The following FRMD4A variants were observed in gnomAD, a reference collection of about 807,000 sequenced individuals.
The protein encoded by FRMD4A is FERM domain-containing protein 4A.
Under a neutral mutation model 129.1 loss-of-function variants are expected in FRMD4A, and 29 were observed. The ratio of observed to expected loss-of-function variants is 0.22; its 90% CI spans 0.17 to 0.31. The LOEUF (loss-of-function observed/expected upper bound fraction) is 0.31. Ranked by LOEUF, FRMD4A falls within the 10% of genes least tolerant of loss-of-function variation. The pLI is 1.00. For synonymous variants in FRMD4A, 634 were observed against 571.6 expected (o/e 1.11, Z -1.56); for missense variants, 1,272 against 1,375.8 (o/e 0.92, Z 1.19).
chr10:14,076,008 C>T (rs1835577284), intron 2 of FRMD4A, among the ~76,000 whole-genome samples: 1 of 152,170 alleles, frequency 6.6e-6, no homozygotes, highest in Non-Finnish European at 1.5e-5. Context: ...GAGGATGGAA[C>T]ATTGACCAGA....
At position 13,693,779 on chromosome 10, in the gene FRMD4A, C is replaced by T. The variant is rs1318805554; in HGVS notation, c.1117+119G>A. 7 of 1,100,478 alleles carry T rather than the reference C, an allele frequency of 6.4e-6. No homozygotes were observed. The Admixed American group carries it at 1.2e-4, about 18-fold the overall frequency. 68.2% of individuals were successfully genotyped at this position (1,100,478 alleles called of 1,614,324 possible). On this transcript the variant is annotated intron_variant, in intron 15 of 24. Transcript: ENST00000357447. ...CCCAACCTTGGTCTGGAAAGCAAAG[C>T]CAGCTTTGGAGCAGCTTGCCCTGCA...
intron 2 of FRMD4A, among the ~76,000 whole-genome samples, chr10:14,039,707 A>T (rs963244179): frequency 6.6e-6 from 1 of 151,996 alleles, no homozygotes; most frequent in Non-Finnish European, 1.5e-5. Flanking sequence ...TCTCTTATCT[A>T]CCTATGACCT....
chr10:13,872,630 C>T (rs1431568719), intron 2 of FRMD4A, among the ~76,000 whole-genome samples: 1 of 152,256 alleles, frequency 6.6e-6, no homozygotes, highest in African/African-American at 2.4e-5. Context: ...AGAAACAGAA[C>T]ATGCAAGAAG....
At position 13,929,768 on chromosome 10, in the gene FRMD4A, T is replaced by C. The variant is rs113593433; in HGVS notation, c.46-70856A>G. Among the ~76,000 whole-genome samples, 965 of 152,240 alleles carry C rather than the reference T, an allele frequency of 6.3e-3. 8 individuals carry two copies. Among genetic ancestry groups the C allele is most frequent in the African/African-American group, 0.022 (919 of 41,568 alleles). On this transcript the variant is annotated intron_variant, in intron 2 of 24. Coordinates refer to ENST00000357447, the MANE Select transcript of FRMD4A (RefSeq NM_018027.5). ...TGGCAGTAGGCTGTAGTGGTAGAGA[T>C]GGGATCTGCGGTCAGAGTCTGTTGT...
At chr10:14,059,648 C>G (rs1834711770) in intron 2 of FRMD4A, among the ~76,000 whole-genome samples, 1 of 152,206 alleles carries the variant, frequency 6.6e-6, no homozygotes, top group Admixed American at 6.5e-5. Context: ...TTAGGCCACC[C>G]AGTCTGCTTT....
At chr10:13,981,266 G>A (rs1225401759) in intron 2 of FRMD4A, among the ~76,000 whole-genome samples, 1 of 152,178 alleles carries the variant, frequency 6.6e-6, no homozygotes. Flanking sequence ...CAGCACAGTG[G>A]CACAGGCAAC....
chr10:13,740,294 G>T, intron 10 of FRMD4A, 43 bp from the exon 11 acceptor site: 3 of 1,353,004 alleles, frequency 2.2e-6, no homozygotes, highest in Non-Finnish European at 3.2e-6. Context: ...CACACAATGC[G>T]CAAAAGGCTA....
rs866507033 is a variant in FRMD4A at position 13,684,452 on chromosome 10, A to T, written c.1118-9408T>A. ...GGGTTTCCCAGCTTCCAGCCGGGGA[A>T]CTCCAGACTCCAGCCGGGGACAGCT... On this transcript the variant is annotated intron_variant, in intron 15 of 24. Transcript: ENST00000357447. 22 of 985,056 alleles carry T rather than the reference A, an allele frequency of 2.2e-5. No individual in the cohort carries two copies. In the East Asian group the frequency reaches 1.4e-3, roughly 61 times the overall value. The allele number at this position is 985,056 out of a possible 1,614,324, so 61.0% of individuals were successfully genotyped here.
chr10:14,173,922 G>A (rs1841601723), intron 2 of FRMD4A, among the ~76,000 whole-genome samples: 1 of 151,854 alleles, frequency 6.6e-6, no homozygotes, highest in African/African-American at 2.4e-5. Context: ...TCTGAAATGA[G>A]ACAAAAGCTC....
chr10:14,225,598 C>A (rs1843407680), intron 2 of FRMD4A, among the ~76,000 whole-genome samples: 1 of 152,216 alleles, frequency 6.6e-6, no homozygotes, highest in Admixed American at 6.5e-5. Context: ...GAGGGATGTA[C>A]AGTCTGCTTG....
intron 2 of FRMD4A, among the ~76,000 whole-genome samples, chr10:13,989,670 G>A (rs567495721): frequency 1.3e-5 from 2 of 152,312 alleles, no homozygotes; most frequent in African/African-American, 4.8e-5. Flanking sequence ...GTACAGCTCA[G>A]TTGTTCCAGA....
intron 2 of FRMD4A, among the ~76,000 whole-genome samples, chr10:14,088,495 C>A (rs1588948687): frequency 6.6e-6 from 1 of 151,020 alleles, no homozygotes; most frequent in South Asian, 2.1e-4. Context: ...CACAGTGGCT[C>A]AAGCCTGTAA....
At chr10:13,950,615 C>G (rs889826697) in intron 2 of FRMD4A, among the ~76,000 whole-genome samples, 6 of 152,108 alleles carry the variant, frequency 3.9e-5, no homozygotes, top group African/African-American at 1.4e-4. Flanking sequence ...GCCTTTCCAG[C>G]CTCTCTCTCT....
At chr10:13,675,091 C>T (rs2083862018) in intron 15 of FRMD4A, 47 bp from the exon 16 acceptor site, 2 of 1,556,634 alleles carry the variant, frequency 1.3e-6, no homozygotes, top group African/African-American at 1.3e-5. Context: ...AGGGGACACA[C>T]ATCTGGACCA....
chr10:13,896,575 G>A (rs1352151760), intron 2 of FRMD4A, among the ~76,000 whole-genome samples: 1 of 151,944 alleles, frequency 6.6e-6, no homozygotes, highest in Non-Finnish European at 1.5e-5. Flanking sequence ...TGCATGTGGG[G>A]CTTAAAACCT....
At chr10:13,782,660 T>G (rs1213832618) in intron 6 of FRMD4A, among the ~76,000 whole-genome samples, 1 of 152,138 alleles carries the variant, frequency 6.6e-6, no homozygotes, top group African/African-American at 2.4e-5. Flanking sequence ...GCCAGGATAA[T>G]CTCAATCTCT....
At chr10:13,882,408 A>C (rs2094557707) in intron 2 of FRMD4A, among the ~76,000 whole-genome samples, 1 of 152,208 alleles carries the variant, frequency 6.6e-6, no homozygotes, top group Admixed American at 6.5e-5. Flanking sequence ...ATCATGGGAC[A>C]ATGAGGTCTG....
At chr10:14,089,646 A>AAC (rs933597246) in intron 2 of FRMD4A, among the ~76,000 whole-genome samples, 2 of 151,078 alleles carry the variant, frequency 1.3e-5, no homozygotes, top group African/African-American at 4.9e-5. Context: ...AAAACAAACA[A>AAC]AAAAAAAACA....
At chr10:13,710,195 A>G (rs1160490548) in intron 12 of FRMD4A, among the ~76,000 whole-genome samples, 1 of 152,194 alleles carries the variant, frequency 6.6e-6, no homozygotes, top group Non-Finnish European at 1.5e-5. Flanking sequence ...GAAAGAAAGC[A>G]GAACCAGGTG....
Sources: gnomAD v4.1 joint callset for allele counts (sites outside exome capture counted in the v4.1 genomes callset) on GRCh38, gnomAD v4.1.1 for gene constraint, MANE v1.5 for transcripts, NCBI Gene and HGNC (gene_info 2026-07-23, HGNC 2026-07-21) for gene names.